TRIM5: variants seen among roughly 807,000 people sequenced by gnomAD.
The protein encoded by TRIM5 is tripartite motif-containing protein 5.
In TRIM5, 31 loss-of-function variants were observed where a neutral mutation model predicts 35.6. The ratio of observed to expected loss-of-function variants is 0.87; its 90% confidence interval spans 0.65 to 1.18. TRIM5 has a LOEUF of 1.18. Ranked by LOEUF, TRIM5 falls within the 50% of genes most tolerant of loss-of-function variation. The probability of loss-of-function intolerance (pLI) is 0.00; values close to 1 mark genes in which losing one functional copy is unlikely to be tolerated. For synonymous variants in TRIM5, 243 were observed against 215.6 expected, an observed-to-expected ratio of 1.13 and a Z score of -1.11; for missense variants, 609 against 591.6, an observed-to-expected ratio of 1.03 and a Z score of -0.31.
At chr11:5,622,638 T>TAA in the TRIM5 span, among the ~76,000 whole-genome samples, 1 of 151,436 alleles carries the variant, frequency 6.6e-6, no homozygotes, top group Non-Finnish European at 1.5e-5. Context: ...AACAAACAAA[T>TAA]AAAAAAAACC....
At chr11:5,677,714 C>G (rs923355542) in intron 4 of TRIM5, among the ~76,000 whole-genome samples, 1 of 152,124 alleles carries the variant, frequency 6.6e-6, no homozygotes, top group Admixed American at 6.5e-5. Flanking sequence ...CAGGCGTGAG[C>G]CACCGCGCCC....
the TRIM5 span, among the ~76,000 whole-genome samples, chr11:5,595,692 C>G: frequency 1.3e-5 from 2 of 151,586 alleles, no homozygotes; most frequent in Non-Finnish European, 2.9e-5. Context: ...GTAAGATGAA[C>G]AGCTTTGCGT....
chr11:5,684,157 C>A, intron 1 of TRIM5: 1 of 175,406 alleles, frequency 5.7e-6, no homozygotes, highest in South Asian at 1.8e-4. Flanking sequence ...TCAGTGAGAC[C>A]AAGAACCCAC....
the TRIM5 span, among the ~76,000 whole-genome samples, chr11:5,636,985 A>G: frequency 6.6e-5 from 10 of 152,190 alleles, no homozygotes; most frequent in Non-Finnish European, 1.3e-4. Context: ...TCTCTACTAA[A>G]AATACAAAAA....
At chr11:5,622,969 T>G in the TRIM5 span, among the ~76,000 whole-genome samples, 1 of 152,226 alleles carries the variant, frequency 6.6e-6, no homozygotes, top group Non-Finnish European at 1.5e-5. Context: ...GCGGGACAGC[T>G]GAGTCCGGAA....
chr11:5,610,844 G>A, the TRIM5 span: 1 of 1,614,200 alleles, frequency 6.2e-7, no homozygotes, highest in Non-Finnish European at 8.5e-7. Context: ...GGAGACAAGT[G>A]AGGTTTGTGG....
chr11:5,603,857 C>T, the TRIM5 span: 8 of 1,449,778 alleles, frequency 5.5e-6, no homozygotes, highest in African/African-American at 4.3e-5. Context: ...AACCTGGAAA[C>T]TGCCTCCCTG....
chr11:5,647,013 G>T, the TRIM5 span, among the ~76,000 whole-genome samples: 2 of 152,302 alleles, frequency 1.3e-5, no homozygotes, highest in East Asian at 3.9e-4. Flanking sequence ...TATGGATGTG[G>T]GTTACCAGAA....
the TRIM5 span, chr11:5,605,579 G>C: frequency 1.9e-6 from 3 of 1,608,706 alleles, no homozygotes; most frequent in South Asian, 3.3e-5. Context: ...TAAGGCTTGT[G>C]AAGGAGCCCA....
chr11:5,681,214 G>A (rs1158170069), intron 1 of TRIM5, among the ~76,000 whole-genome samples: 1 of 152,178 alleles, frequency 6.6e-6, no homozygotes, highest in East Asian at 1.9e-4. Flanking sequence ...TATTAGATGA[G>A]ATGATTCTGT....
At chr11:5,644,417 T>G in the TRIM5 span, 106 of 395,648 alleles carry the variant, frequency 2.7e-4, no homozygotes, top group African/African-American at 2.0e-3. Context: ...TGTAGTAATG[T>G]CCTGTGCAAT....
chr11:5,604,796 A>C, the TRIM5 span: 1 of 635,982 alleles, frequency 1.6e-6, no homozygotes, highest in Non-Finnish European at 2.5e-6. Flanking sequence ...GGAGGAGAGG[A>C]GGTAAATAGC....
rs1224194275 is a variant in TRIM5, at chr11:5,664,461, T to C, written c.*348A>G. 6.8e-6 allele frequency: 7 copies of C among 1,031,772 alleles called. No homozygotes were observed. In the African/African-American group the frequency reaches 1.2e-4, roughly 18 times the overall value. The allele number at this position is 1,031,772 out of a possible 1,614,324, so 63.9% of individuals were successfully genotyped here. A position where few individuals can be genotyped will look rare whatever the true frequency, so the allele number is the denominator to read the frequency against. On this transcript the variant is annotated 3_prime_UTR_variant, in exon 8 of 8. Transcript: ENST00000380034. ...TTATCACACGATGATATAGAAAGGC[T>C]GTTGAAAAGCTTTTCTTCATCTTCT...
At chr11:5,632,150 T>C in the TRIM5 span, 4 of 1,471,586 alleles carry the variant, frequency 2.7e-6, no homozygotes, top group Non-Finnish European at 3.6e-6. Context: ...TTCCTCATCT[T>C]CTTTGTTCTT....
the TRIM5 span, among the ~76,000 whole-genome samples, chr11:5,651,360 G>T: frequency 6.6e-6 from 1 of 152,170 alleles, no homozygotes; most frequent in Non-Finnish European, 1.5e-5. Context: ...AATAAGCATA[G>T]TACCCAGTAG....
chr11:5,606,428 T>C, the TRIM5 span, among the ~76,000 whole-genome samples: 1 of 152,318 alleles, frequency 6.6e-6, no homozygotes, highest in Middle Eastern at 3.4e-3. Context: ...GCTTGTGATA[T>C]TCTGTAACCT....
In TRIM5 at chr11:5,666,648, A is replaced by T. The variant is rs549398122; in HGVS notation, c.768-567T>A. Among the ~76,000 whole-genome samples the T allele has an allele frequency of 3.9e-4, 60 of 152,338 alleles. No individual in the cohort carries two copies. The East Asian group carries it at 0.01, about 26-fold the overall frequency. The stretch of plus-strand genomic sequence containing the variant: ...CTAAGGTTTCAGATTTCCGGGAAAA[A>T]TTACAAACACTTGGCAAATGAGAAA... On this transcript the variant is annotated intron_variant, in intron 5 of 7. Transcript: ENST00000380034.
At chr11:5,667,801 G>A (rs1851259239) in intron 4 of TRIM5, 90 bp from the exon 5 acceptor site, 11 of 1,420,250 alleles carry the variant, frequency 7.7e-6, no homozygotes, top group African/African-American at 1.4e-5. Context: ...TTCCTAATGT[G>A]CTGAGAATGG....
chr11:5,590,319 C>G, the TRIM5 span: 1 of 154,636 alleles, frequency 6.5e-6, no homozygotes. Flanking sequence ...GTGGGATCCA[C>G]TAGGTGAAGC....
Sources: gnomAD v4.1 joint callset for allele counts (sites outside exome capture counted in the v4.1 genomes callset) on GRCh38, gnomAD v4.1.1 for gene constraint, MANE v1.5 for transcripts, NCBI Gene and HGNC (gene_info 2026-07-23, HGNC 2026-07-21) for gene names.